DPP6: variants seen among roughly 807,000 people sequenced by gnomAD.
DPP6 encodes the protein dipeptidyl peptidase like 6.
DPP6 carries 69 observed loss-of-function variants against 122.6 expected under a neutral mutation model. The observed-to-expected ratio is 0.56, with a 90% CI of 0.46 to 0.69. The LOEUF (loss-of-function observed/expected upper bound fraction) is 0.69. Among genes scored for constraint, DPP6 ranks in the 30% least tolerant of loss-of-function variants. The pLI, the probability that DPP6 is intolerant of heterozygous loss-of-function variation, is 0.00. For synonymous variants in DPP6, 418 were observed against 433.1 expected, an observed-to-expected ratio of 0.97 and a Z score of 0.43; for missense variants, 928 against 1,116.9, an observed-to-expected ratio of 0.83 and a Z score of 2.41.
chr7:154,354,136 C>T (rs550959670), intron 1 of DPP6, among the ~76,000 whole-genome samples: 11 of 152,268 alleles, frequency 7.2e-5, no homozygotes, highest in South Asian at 2.1e-4. Context: ...TCAAAGTGCA[C>T]GCCTGGGGAA....
chr7:154,623,005 C>T (rs1350468244), intron 5 of DPP6, among the ~76,000 whole-genome samples: 1 of 152,192 alleles, frequency 6.6e-6, no homozygotes, highest in African/African-American at 2.4e-5. Flanking sequence ...GCAGAAAACT[C>T]TGTTGGGGGT....
At chr7:154,747,365 G>T (rs1843084073) in intron 8 of DPP6, among the ~76,000 whole-genome samples, 1 of 152,202 alleles carries the variant, frequency 6.6e-6, no homozygotes, top group South Asian at 2.1e-4. Context: ...GAAATGATTT[G>T]CCCAGTGAAA....
intron 1 of DPP6, among the ~76,000 whole-genome samples, chr7:154,261,677 T>C (rs897022686): frequency 2.0e-5 from 3 of 148,420 alleles, no homozygotes; most frequent in Non-Finnish European, 4.5e-5. Context: ...TACAATGAAC[T>C]CAAACAAATT....
intron 13 of DPP6, among the ~76,000 whole-genome samples, chr7:154,802,678 G>A (rs1798444632): frequency 1.3e-5 from 2 of 152,022 alleles, no homozygotes; most frequent in Admixed American, 1.3e-4. Context: ...CCAACATGGC[G>A]AAACAAAAAT....
chr7:154,585,827 C>G (rs1204059908), intron 5 of DPP6, among the ~76,000 whole-genome samples: 2 of 152,126 alleles, frequency 1.3e-5, no homozygotes, highest in African/African-American at 4.8e-5. Context: ...ACAGATCTCA[C>G]AATACTCAGG....
At chr7:154,445,715 T>C (rs1273991687) in intron 1 of DPP6, among the ~76,000 whole-genome samples, 1 of 151,554 alleles carries the variant, frequency 6.6e-6, no homozygotes, top group African/African-American at 2.4e-5. Flanking sequence ...AATTGGCACA[T>C]AGCATGTGCT....
chr7:154,779,470 C>A (rs1041751741), intron 10 of DPP6, among the ~76,000 whole-genome samples: 4 of 152,182 alleles, frequency 2.6e-5, no homozygotes, highest in Non-Finnish European at 4.4e-5. Flanking sequence ...TGTCAATAAC[C>A]TGTCACATTT....
chr7:154,875,785 G>A lies in DPP6; in HGVS notation c.1884-121G>A, dbSNP rs1804796039. 1 of 1,388,874 alleles carries A rather than the reference G, an allele frequency of 7.2e-7. No individual in the cohort carries two copies. Among genetic ancestry groups the A allele is most frequent in the Non-Finnish European group, 9.7e-7 (1 of 1,034,886 alleles). The allele number at this position is 1,388,874 out of a possible 1,614,324, so 86.0% of individuals were successfully genotyped here. On this transcript the variant is annotated intron_variant, in intron 19 of 25. Transcript: ENST00000377770. The surrounding 1 kb of genome is among the most constrained non-coding windows in gnomAD (Gnocchi z 4.5). ...GCAACAGAATCTGGGGTATGGAGTTGAGCGTGTGGCAGCCGGGTCACGGGT... is the reference window on the plus strand; with the variant it reads ...GCAACAGAATCTGGGGTATGGAGTTAAGCGTGTGGCAGCCGGGTCACGGGT...
chr7:154,088,299 A>T (rs1165011202), intron 1 of DPP6, among the ~76,000 whole-genome samples: 1 of 148,424 alleles, frequency 6.7e-6, no homozygotes, highest in African/African-American at 2.6e-5. Context: ...ATTCTGGCCC[A>T]TCACGTGGCA....
intron 1 of DPP6, among the ~76,000 whole-genome samples, chr7:154,036,020 T>G (rs200373018): frequency 2.1e-3 from 114 of 54,544 alleles, no homozygotes; most frequent in Middle Eastern, 8.8e-3. Context: ...GCGCGCGCGC[T>G]TGTGTGTGTG....
the DPP6 span, among the ~76,000 whole-genome samples, chr7:153,863,879 G>A: frequency 2.6e-5 from 4 of 152,146 alleles, no homozygotes; most frequent in South Asian, 2.1e-4. Context: ...TGTTTTCAAA[G>A]TTCATCCACG....
At chr7:154,144,236 T>C (rs539497787) in intron 1 of DPP6, among the ~76,000 whole-genome samples, 286 of 152,204 alleles carry the variant, frequency 1.9e-3, no homozygotes, top group African/African-American at 6.3e-3. Context: ...CCTAATGCTT[T>C]GCAAGTTAAT....
intron 1 of DPP6, among the ~76,000 whole-genome samples, chr7:154,251,845 C>T (rs1035285910): frequency 4.6e-5 from 7 of 152,208 alleles, no homozygotes; most frequent in African/African-American, 1.7e-4. Flanking sequence ...TGCCCACCCA[C>T]ATTGAGGGTG....
intron 5 of DPP6, among the ~76,000 whole-genome samples, chr7:154,635,325 C>T (rs1244735315): frequency 6.6e-6 from 1 of 151,764 alleles, no homozygotes. Context: ...TGGGACTTGG[C>T]TTGGCTGAAG....
At chr7:154,563,126 A>C (rs1159526877) in intron 4 of DPP6, among the ~76,000 whole-genome samples, 1 of 152,238 alleles carries the variant, frequency 6.6e-6, no homozygotes, top group African/African-American at 2.4e-5. Context: ...ATTGAAGGAC[A>C]TGGAAGGCCT....
At chr7:154,812,933 A>G (rs1480671469) in intron 16 of DPP6, among the ~76,000 whole-genome samples, 1 of 152,058 alleles carries the variant, frequency 6.6e-6, no homozygotes, top group East Asian at 1.9e-4. Context: ...GCTTCTCAAT[A>G]TTTGACATTT....
At chr7:154,784,335 C>T (rs1434222998) in intron 10 of DPP6, among the ~76,000 whole-genome samples, 1 of 152,060 alleles carries the variant, frequency 6.6e-6, no homozygotes, top group East Asian at 1.9e-4. Context: ...TGAGGAAAAC[C>T]TTACCAAGCC....
chr7:154,492,846 A>C (rs775714115), intron 3 of DPP6, among the ~76,000 whole-genome samples: 2 of 152,200 alleles, frequency 1.3e-5, no homozygotes, highest in Non-Finnish European at 2.9e-5. Context: ...TTTCCTCAAC[A>C]TATGAGGATT....
At chr7:154,079,730 G>C (rs1358245745) in intron 1 of DPP6, among the ~76,000 whole-genome samples, 1 of 152,104 alleles carries the variant, frequency 6.6e-6, no homozygotes, top group African/African-American at 2.4e-5. Context: ...CTGACAATCA[G>C]AGTCTGGACT....
Sources: allele counts gnomAD v4.1 joint callset (sites outside exome capture counted in the v4.1 genomes callset), GRCh38; gene constraint gnomAD v4.1.1; non-coding constraint Gnocchi (gnomAD v3.1); transcripts MANE v1.5; gene names NCBI Gene and HGNC (gene_info 2026-07-23, HGNC 2026-07-21).